The following SDK1 variants were observed in gnomAD, a reference collection of about 807,000 sequenced individuals.
SDK1 encodes protein sidekick-1.
SDK1 carries 157 observed loss-of-function variants against 245.5 expected under a neutral mutation model. The observed-to-expected ratio is 0.64, with a 90% CI of 0.56 to 0.73. SDK1 has a LOEUF of 0.73. Among genes scored for constraint, SDK1 ranks in the 30% least tolerant of loss-of-function variants. SDK1 has a pLI of 0.00. For missense variants in SDK1, 3,583 were observed against 3,002.3 expected, an observed-to-expected ratio of 1.19 and a Z score of -4.52; for synonymous variants, 1,647 against 1,278.5, an observed-to-expected ratio of 1.29 and a Z score of -6.15.
intron 1 of SDK1, among the ~76,000 whole-genome samples, chr7:3,423,316 A>G (rs118145317): frequency 3.1e-3 from 477 of 152,304 alleles, no homozygotes; most frequent in Non-Finnish European, 5.4e-3. Flanking sequence ...CTGTCTTAGG[A>G]GGAGGAAATT....
intron 5 of SDK1, among the ~76,000 whole-genome samples, chr7:3,925,781 C>T (rs544961039): frequency 1.3e-5 from 2 of 152,260 alleles, no homozygotes; most frequent in East Asian, 1.9e-4. Context: ...GTGCGTGCTC[C>T]AGCCGGCTGA....
chr7:3,851,270 T>C (rs1780412544), intron 5 of SDK1, among the ~76,000 whole-genome samples: 1 of 152,188 alleles, frequency 6.6e-6, no homozygotes, highest in African/African-American at 2.4e-5. Flanking sequence ...CATGATATAG[T>C]CTTTTTTAAT....
chr7:3,476,196 G>C (rs1014512627), intron 1 of SDK1: 7 of 152,552 alleles, frequency 4.6e-5, no homozygotes, highest in Admixed American at 3.9e-4. Context: ...TATGAAAACT[G>C]TTCCTGTGCT....
intron 5 of SDK1, among the ~76,000 whole-genome samples, chr7:3,912,461 C>A (rs978885919): frequency 1.3e-5 from 2 of 152,194 alleles, no homozygotes; most frequent in African/African-American, 4.8e-5. Context: ...GTTCAAGAAA[C>A]ATTGCATTCT....
At chr7:3,870,726 T>C (rs865777753) in intron 5 of SDK1, among the ~76,000 whole-genome samples, 3 of 152,230 alleles carry the variant, frequency 2.0e-5, no homozygotes, top group Non-Finnish European at 4.4e-5. Context: ...CAAATTAACA[T>C]TGGTACATTA....
At position 3,317,076 on chromosome 7, in the gene SDK1, G is replaced by A. The variant is rs187803470; in HGVS notation, c.298+15192G>A. ...TGCACTTGTCGTCCCAGCTACTTGAGGGGCTGAGGTGGGAGAATCACTTGA... is the reference window on the plus strand; with the variant it reads ...TGCACTTGTCGTCCCAGCTACTTGAAGGGCTGAGGTGGGAGAATCACTTGA... On this transcript the variant is annotated intron_variant, in intron 1 of 44. Transcript: ENST00000404826. Among the ~76,000 whole-genome samples the A allele has an allele frequency of 1.1e-3, 162 of 150,876 alleles. 1 individual carries two copies. Among genetic ancestry groups the A allele is most frequent in the African/African-American group, 3.8e-3 (154 of 41,002 alleles).
intron 5 of SDK1, among the ~76,000 whole-genome samples, chr7:3,868,402 A>T (rs1203646564): frequency 6.6e-6 from 1 of 152,198 alleles, no homozygotes; most frequent in African/African-American, 2.4e-5. Flanking sequence ...GAGGAACTAT[A>T]CTTTATTAAA....
chr7:3,512,663 T>A (rs1165590065), intron 1 of SDK1, among the ~76,000 whole-genome samples: 1 of 152,214 alleles, frequency 6.6e-6, no homozygotes, highest in Non-Finnish European at 1.5e-5. Context: ...TATGTTGTTG[T>A]TGATGAAGTA....
intron 4 of SDK1, among the ~76,000 whole-genome samples, chr7:3,774,425 C>T (rs1320644034): frequency 1.3e-5 from 2 of 152,142 alleles, no homozygotes; most frequent in Admixed American, 6.5e-5. Flanking sequence ...ACCAAGGCTC[C>T]TGCAAACCGT....
intron 30 of SDK1, among the ~76,000 whole-genome samples, chr7:4,151,706 AT>A (rs1780393553): frequency 6.6e-6 from 1 of 152,116 alleles, no homozygotes; most frequent in South Asian, 2.1e-4. Flanking sequence ...CACCACTTCC[AT>A]GTGTCATTTC....
At chr7:3,377,170 G>C (rs1204098394) in intron 1 of SDK1, among the ~76,000 whole-genome samples, 2 of 152,126 alleles carry the variant, frequency 1.3e-5, no homozygotes, top group African/African-American at 4.8e-5. Flanking sequence ...ATATGAATTA[G>C]AGTTTTAAAA....
chr7:3,665,069 T>G (rs890824871), intron 4 of SDK1, among the ~76,000 whole-genome samples: 1 of 152,188 alleles, frequency 6.6e-6, no homozygotes, highest in African/African-American at 2.4e-5. Context: ...ATTAATGATG[T>G]AAGTCTGTAA....
At chr7:4,221,735 G>A (rs892733913) in intron 40 of SDK1, among the ~76,000 whole-genome samples, 1 of 152,176 alleles carries the variant, frequency 6.6e-6, no homozygotes, top group African/African-American at 2.4e-5. Flanking sequence ...GTTTGCTGCC[G>A]AGATGGAAAA....
At chr7:3,581,711 G>A (rs1780503127) in intron 1 of SDK1, among the ~76,000 whole-genome samples, 1 of 152,166 alleles carries the variant, frequency 6.6e-6, no homozygotes, top group African/African-American at 2.4e-5. Flanking sequence ...ATTCATTGCA[G>A]CAGTATTCAC....
rs536510471 is a variant in SDK1 at position 3,437,330 on chromosome 7, C to A, written c.298+135446C>A. Among the ~76,000 whole-genome samples, 305 of 152,112 alleles carry A rather than the reference C, an allele frequency of 2.0e-3. 3 individuals carry two copies. Among genetic ancestry groups the A allele is most frequent in the African/African-American group, 7.1e-3 (294 of 41,460 alleles). On this transcript the variant is annotated intron_variant, in intron 1 of 44. Coordinates refer to ENST00000404826, the MANE Select transcript of SDK1 (RefSeq NM_152744.4). ...GGTGGAATTAAAAAATCAGTGTAAT[C>A]ATTTGTAAGGACAAAATGCGAGTTT... is the stretch of plus-strand genomic sequence containing the variant.
At chr7:3,448,426 G>A (rs1435986671) in intron 1 of SDK1, among the ~76,000 whole-genome samples, 1 of 151,632 alleles carries the variant, frequency 6.6e-6, no homozygotes, top group Admixed American at 6.6e-5. Context: ...TATTTTGGAA[G>A]TTTTCCCAGT....
chr7:3,687,548 G>A (rs1381609342), intron 4 of SDK1, among the ~76,000 whole-genome samples: 2 of 152,194 alleles, frequency 1.3e-5, no homozygotes, highest in Non-Finnish European at 2.9e-5. Flanking sequence ...CTGAAAAGGT[G>A]TGAACTGTCG....
At chr7:3,366,135 G>A (rs1259992782) in intron 1 of SDK1, among the ~76,000 whole-genome samples, 1 of 151,830 alleles carries the variant, frequency 6.6e-6, no homozygotes, top group East Asian at 1.9e-4. Context: ...CTAATTCTGA[G>A]TTTTCAATTT....
At chr7:4,205,405 G>A (rs1784160763) in intron 35 of SDK1, among the ~76,000 whole-genome samples, 2 of 152,104 alleles carry the variant, frequency 1.3e-5, no homozygotes, top group African/African-American at 4.8e-5. Flanking sequence ...CAGTGACCCT[G>A]TCACATCCCA....
Sources: gnomAD v4.1 joint callset for allele counts (sites outside exome capture counted in the v4.1 genomes callset) on GRCh38, gnomAD v4.1.1 for gene constraint, MANE v1.5 for transcripts, NCBI Gene and HGNC (gene_info 2026-07-23, HGNC 2026-07-21) for gene names.